The following STAB2 variants were observed in gnomAD, a reference collection of about 807,000 sequenced individuals.
STAB2 encodes the protein stabilin 2.
Under a neutral mutation model 338.1 loss-of-function variants are expected in STAB2, and 288 were observed. That is an observed-to-expected ratio of 0.85 (90% CI 0.77 to 0.94). The LOEUF (loss-of-function observed/expected upper bound fraction) is 0.94. Ranked by LOEUF, STAB2 falls within the 40% of genes least tolerant of loss-of-function variation. STAB2 has a pLI of 0.00. For missense variants in STAB2, 3,141 were observed against 3,210.1 expected (o/e 0.98, Z 0.52); for synonymous variants, 1,202 against 1,193.3 (o/e 1.01, Z -0.15).
intron 12 of STAB2, among the ~76,000 whole-genome samples, chr12:103,653,339 T>C (rs2138737334): frequency 6.6e-6 from 1 of 152,342 alleles, no homozygotes; most frequent in Middle Eastern, 3.4e-3. Flanking sequence ...AAGCAAAGTA[T>C]GGGGATAAAT....
At chr12:103,761,941 T>C (rs907965348) in intron 66 of STAB2, among the ~76,000 whole-genome samples, 2 of 152,118 alleles carry the variant, frequency 1.3e-5, no homozygotes, top group Non-Finnish European at 2.9e-5. Context: ...TTCCACAGCA[T>C]AGTGGTTAAG....
At chr12:103,761,456 G>GC in intron 66 of STAB2, 46 bp downstream of exon 66, 1 of 1,543,674 alleles carries the variant, frequency 6.5e-7, no homozygotes, top group Non-Finnish European at 8.9e-7. Flanking sequence ...GAGCCCCGGT[G>GC]CCCACTCACC....
chr12:103,733,147 G>C lies in STAB2; in HGVS notation c.5425G>C (p.Glu1809Gln), dbSNP rs79381679. The C allele has an allele frequency of 1.1e-4, 171 of 1,614,104 alleles. No individual in the cohort carries two copies. In the African/African-American group the frequency reaches 2.1e-3, roughly 20 times the overall value. ...FNQDNKDKLK[E>Q]YLKFHVIRDA... is the part of the protein sequence containing the mutation. Reference sequence around the variant, plus strand: ...CCAAGACAACAAGGACAAGCTGAAGGAGTATTTGAAGTTTCATGTGATACG... The same window carrying C: ...CCAAGACAACAAGGACAAGCTGAAGCAGTATTTGAAGTTTCATGTGATACG... The change falls in exon 51 of 69, where the codon GAG (glutamate) becomes CAG (glutamine). Residue 1809 changes from glutamate (E) to glutamine (Q), a missense_variant. Physicochemically the swap from Glu to Gln is conservative, Grantham distance 29. Coordinates refer to ENST00000388887, the MANE Select transcript of STAB2 (RefSeq NM_017564.10).
intron 2 of STAB2, 45 bp from the exon 3 acceptor site, chr12:103,594,350 G>A (rs1237273240): frequency 7.1e-7 from 1 of 1,411,696 alleles, no homozygotes; most frequent in Non-Finnish European, 1.0e-6. Context: ...TAGAGTAACT[G>A]CATTGCTCTT....
intron 40 of STAB2, 102 bp from the exon 41 acceptor site, chr12:103,712,264 TG>T: frequency 2.3e-6 from 2 of 887,850 alleles, no homozygotes; most frequent in Non-Finnish European, 3.8e-6. Context: ...GAGTGTCTCA[TG>T]GGGGCAGGGG....
intron 58 of STAB2, among the ~76,000 whole-genome samples, chr12:103,747,284 GT>G (rs1483051214): frequency 2.6e-5 from 4 of 152,172 alleles, no homozygotes; most frequent in Admixed American, 1.3e-4. Flanking sequence ...TAGGATATAG[GT>G]TCAGCCATAC....
intron 58 of STAB2, 49 bp downstream of exon 58, chr12:103,746,753 G>A: frequency 1.3e-6 from 2 of 1,584,050 alleles, no homozygotes; most frequent in Non-Finnish European, 1.7e-6. Context: ...TGTGGGAGAG[G>A]AGCAGGACTT....
At chr12:103,631,506 CT>C in intron 5 of STAB2, 91 bp from the exon 6 acceptor site, 5 of 1,239,412 alleles carry the variant, frequency 4.0e-6, no homozygotes, top group Non-Finnish European at 5.8e-6. Flanking sequence ...CATGCAGAGT[CT>C]CAGCAAAGAT....
At chr12:103,748,015 G>GGGAA (rs1255908342) in intron 58 of STAB2, among the ~76,000 whole-genome samples, 1 of 144,970 alleles carries the variant, frequency 6.9e-6, no homozygotes, top group Non-Finnish European at 1.5e-5. Context: ...AAAAAAAAAA[G>GGGAA]GGAAGAAGAA....
chr12:103,605,698 C>T (rs1170850772), intron 3 of STAB2, among the ~76,000 whole-genome samples: 1 of 151,840 alleles, frequency 6.6e-6, no homozygotes, highest in Non-Finnish European at 1.5e-5. Flanking sequence ...GAATTGATTC[C>T]ATTAACATTA....
At chr12:103,739,929 A>C (rs147342210) in intron 54 of STAB2, among the ~76,000 whole-genome samples, 42 of 152,330 alleles carry the variant, frequency 2.8e-4, no homozygotes, top group African/African-American at 1.0e-3. Flanking sequence ...ACAGCTAGTA[A>C]GGAGCAATGC....
At position 103,716,520 on chromosome 12, in the gene STAB2, A is replaced by C. The variant is rs116350784; in HGVS notation, c.4611+632A>C. ...ACATATATCCAAAATTGGATGACAAAGTGAAGTCACCAGTGAATGCTCTAT... is the reference window on the plus strand; with the variant it reads ...ACATATATCCAAAATTGGATGACAACGTGAAGTCACCAGTGAATGCTCTAT... On this transcript the variant is annotated intron_variant, in intron 43 of 68. Coordinates refer to ENST00000388887, the MANE Select transcript of STAB2 (RefSeq NM_017564.10). Among the ~76,000 whole-genome samples, 1,519 of 152,288 alleles carry C rather than the reference A, an allele frequency of 1.0e-2. 23 individuals are homozygous for C. The highest frequency in any genetic ancestry group is 0.035 in the African/African-American group (1,451 of 41,544).
At chr12:103,604,288 G>C (rs978542545) in intron 3 of STAB2, among the ~76,000 whole-genome samples, 2 of 151,944 alleles carry the variant, frequency 1.3e-5, no homozygotes, top group African/African-American at 4.8e-5. Flanking sequence ...TAAAAATTTT[G>C]TGTCTGTACT....
intron 1 of STAB2, among the ~76,000 whole-genome samples, chr12:103,590,204 G>A (rs924175534): frequency 2.0e-5 from 3 of 152,128 alleles, no homozygotes; most frequent in African/African-American, 4.8e-5. Flanking sequence ...ACCTTATGTT[G>A]CTAAATAACT....
chr12:103,750,597 T>C lies in STAB2; in HGVS notation c.6457T>C (p.Cys2153Arg), dbSNP rs762031183. 1.2e-6 allele frequency: 2 copies of C among 1,614,090 alleles called. No individual in the cohort carries two copies. Among genetic ancestry groups the C allele is most frequent in the Admixed American group, 3.3e-5 (2 of 60,008 alleles). The part of the protein sequence containing the change: ...MTGPGKHKCE[C>R]KSHYVGDGLN... ...TCCACAGGGCAAGCACAAGTGTGAG[T>C]GTAAAAGTCACTATGTCGGAGATGG... The change falls in exon 60 of 69, where the codon TGT becomes CGT. Residue 2153 changes from cysteine to arginine, a missense_variant. Transcript: ENST00000388887.
intron 41 of STAB2, 125 bp from the exon 42 acceptor site, chr12:103,713,518 A>G: frequency 7.1e-7 from 1 of 1,404,420 alleles, no homozygotes; most frequent in Non-Finnish European, 9.7e-7. Flanking sequence ...GGAATTGGCC[A>G]TATTTAATCC....
intron 11 of STAB2, among the ~76,000 whole-genome samples, chr12:103,651,314 A>ATTTTTTT (rs10669870): frequency 7.5e-6 from 1 of 132,694 alleles, no homozygotes; most frequent in Non-Finnish European, 1.6e-5. Flanking sequence ...CCTGATCTTG[A>ATTTTTTT]TTTTTTTTTT....
At position 103,745,216 on chromosome 12, in the gene STAB2, G is replaced by A. The variant is rs138991837; in HGVS notation, c.6075G>A (p.Thr2025=). 135 of 1,613,960 alleles carry A rather than the reference G, an allele frequency of 8.4e-5. No homozygotes were observed. The highest frequency in any genetic ancestry group is 5.7e-4 in the African/African-American group (43 of 75,036). The change falls in exon 57 of 69, where the codon ACG becomes ACA. Residue 2025 remains threonine, a synonymous_variant. Coordinates refer to ENST00000388887, the MANE Select transcript of STAB2 (RefSeq NM_017564.10). ...SDHGQCDDGI[T]GSGQCLCETG... Reference sequence around the variant, plus strand: ...ACGGACAGTGCGATGATGGCATCACGGGCTCCGGGCAGTGCCTCTGTGAAA... The same window carrying A: ...ACGGACAGTGCGATGATGGCATCACAGGCTCCGGGCAGTGCCTCTGTGAAA...
chr12:103,680,697 A>C (rs890105308), intron 25 of STAB2, among the ~76,000 whole-genome samples: 4 of 152,230 alleles, frequency 2.6e-5, no homozygotes, highest in Non-Finnish European at 4.4e-5. Context: ...ATGCAGTGAT[A>C]AGCACAGGCC....
Sources: gnomAD v4.1 joint callset for allele counts (sites outside exome capture counted in the v4.1 genomes callset) on GRCh38, gnomAD v4.1.1 for gene constraint, MANE v1.5 for transcripts, NCBI Gene and HGNC (gene_info 2026-07-23, HGNC 2026-07-21) for gene names.